The following EPB41L1 variants were observed in gnomAD, a reference collection of about 807,000 sequenced individuals.
EPB41L1 encodes band 4.1-like protein 1.
EPB41L1 carries 29 observed loss-of-function variants against 97.8 expected under a neutral mutation model. The observed-to-expected ratio is 0.30, with a 90% CI of 0.22 to 0.40. The LOEUF (loss-of-function observed/expected upper bound fraction) is 0.40. Among genes scored for constraint, EPB41L1 ranks in the 10% least tolerant of loss-of-function variants. The pLI is 1.00. For missense variants in EPB41L1, 812 were observed against 1,162.3 expected (o/e 0.70, Z 4.38); for synonymous variants, 383 against 459.2 (o/e 0.83, Z 2.12).
At chr20:36,141,450 G>T (rs1317493736) in intron 2 of EPB41L1, among the ~76,000 whole-genome samples, 1 of 152,188 alleles carries the variant, frequency 6.6e-6, no homozygotes, top group Non-Finnish European at 1.5e-5. Flanking sequence ...TGTGTCAGGA[G>T]ACTGTGGGAA....
upstream of EPB41L1, chr20:36,152,941 G>T (rs1041561039): frequency 4.4e-6 from 2 of 455,574 alleles, no homozygotes; most frequent in African/African-American, 4.0e-5. Context: ...GGGCAGATTT[G>T]TCTGTCTTCC....
intron 2 of EPB41L1, among the ~76,000 whole-genome samples, chr20:36,121,238 G>A (rs1354204922): frequency 6.6e-6 from 1 of 152,070 alleles, no homozygotes; most frequent in Non-Finnish European, 1.5e-5. Flanking sequence ...ACACATTTTT[G>A]TTGTTTATGA....
rs546673910 is a variant in EPB41L1, at chr20:36,192,841, C to T, written c.1301-1371C>T. ...AGGGAGGAATTAAGTCTAGAAGGGACAGAAATGGCTCTGCAGAAAGGGTGC... is the reference window on the plus strand; with the variant it reads ...AGGGAGGAATTAAGTCTAGAAGGGATAGAAATGGCTCTGCAGAAAGGGTGC... On this transcript the variant is annotated intron_variant, in intron 11 of 21. Coordinates refer to ENST00000338074, the MANE Select transcript of EPB41L1 (RefSeq NM_012156.2). Among the ~76,000 whole-genome samples, 7 of 152,238 alleles carry T rather than the reference C, an allele frequency of 4.6e-5. No homozygotes were observed. The South Asian group carries it at 6.2e-4, about 14-fold the overall frequency.
chr20:36,146,383 G>A (rs2059832355), intron 2 of EPB41L1, among the ~76,000 whole-genome samples: 1 of 152,352 alleles, frequency 6.6e-6, no homozygotes, highest in South Asian at 2.1e-4. Context: ...CATGCCCAGA[G>A]AACCACTGAA....
chr20:36,205,987 G>A, intron 14 of EPB41L1: 1 of 1,289,892 alleles, frequency 7.8e-7, no homozygotes, highest in African/African-American at 1.5e-5. Context: ...ACTCTCCAAG[G>A]TAGACGTTCT....
At chr20:36,116,764 C>T (rs2058597506) in intron 2 of EPB41L1, among the ~76,000 whole-genome samples, 1 of 152,192 alleles carries the variant, frequency 6.6e-6, no homozygotes, top group South Asian at 2.1e-4. Flanking sequence ...TAATCTCATC[C>T]ATTTGTCAGA....
intron 2 of EPB41L1, among the ~76,000 whole-genome samples, chr20:36,126,016 G>C (rs902741391): frequency 3.9e-5 from 6 of 152,066 alleles, no homozygotes; most frequent in Admixed American, 3.3e-4. Flanking sequence ...TTTCTCGATG[G>C]GGGGCTGACG....
intron 2 of EPB41L1, among the ~76,000 whole-genome samples, chr20:36,112,769 C>T (rs958714445): frequency 2.6e-5 from 4 of 152,204 alleles, no homozygotes; most frequent in South Asian, 2.1e-4. Context: ...TGGTGAAGGA[C>T]GGTGCTGGGC....
At chr20:36,197,772 A>G in intron 13 of EPB41L1, 87 bp from the exon 14 acceptor site, 2 of 1,611,398 alleles carry the variant, frequency 1.2e-6, no homozygotes, top group South Asian at 2.2e-5. Context: ...GAGGGTGGTG[A>G]TGGTGACTGC....
chr20:36,120,948 A>G (rs2058731332), intron 2 of EPB41L1, among the ~76,000 whole-genome samples: 1 of 152,148 alleles, frequency 6.6e-6, no homozygotes, highest in Non-Finnish European at 1.5e-5. Flanking sequence ...TAATGTCCCT[A>G]TAAAAGATCC....
At chr20:36,177,122 C>T (rs1231191819) in intron 3 of EPB41L1, among the ~76,000 whole-genome samples, 1 of 152,176 alleles carries the variant, frequency 6.6e-6, no homozygotes, top group Non-Finnish European at 1.5e-5. Context: ...TCAGGAATTC[C>T]TTGTCAGGCT....
rs761382789 is a variant in EPB41L1, at chr20:36,214,360, G to A, written c.2188G>A (p.Val730Ile). 6.2e-7 allele frequency: 1 copy of A among 1,613,818 alleles called. No homozygotes were observed. The highest frequency in any genetic ancestry group is 8.5e-7 in the Non-Finnish European group (1 of 1,179,916). The part of the protein sequence containing the change: ...RVSAMDNTQQ[V>I]DGSASVGREF... ...TAACGACTCCTCCTCTGGTCAGCAG[G>A]TTGATGGGAGTGCCTCAGTGGGGAG... The change falls in exon 17 of 22, where the codon GTT (valine) becomes ATT (isoleucine). Residue 730 changes from valine to isoleucine, a missense_variant. Val to Ile is a conservative substitution (Grantham distance 29). Transcript: ENST00000338074.
At chr20:36,159,813 A>G (rs967227437) in intron 1 of EPB41L1, among the ~76,000 whole-genome samples, 22 of 152,252 alleles carry the variant, frequency 1.4e-4, no homozygotes, top group African/African-American at 5.1e-4. Flanking sequence ...TGCATAGAAC[A>G]GGGTTTAAGT....
intron 1 of EPB41L1, among the ~76,000 whole-genome samples, chr20:36,104,350 G>T (rs114945640): frequency 0.011 from 1,607 of 152,318 alleles, 29 homozygotes; most frequent in African/African-American, 0.037. Flanking sequence ...AAGGAGGCGG[G>T]AAAGAGCAGA....
intron 2 of EPB41L1, among the ~76,000 whole-genome samples, chr20:36,146,515 G>A (rs1210262388): frequency 6.6e-6 from 1 of 152,246 alleles, no homozygotes; most frequent in African/African-American, 2.4e-5. Flanking sequence ...TCTCTGCCCA[G>A]CCTGGCCTAG....
rs1471532786 is a variant in EPB41L1, at chr20:36,092,974, G to C, written c.-65+1362G>C. 2 of 152,264 alleles carry C rather than the reference G, an allele frequency of 1.3e-5. No individual in the cohort carries two copies. The highest frequency in any genetic ancestry group is 2.1e-4 in the South Asian group (1 of 4,832). 9.4% of individuals were successfully genotyped at this position (152,264 alleles called of 1,614,324 possible). A position where few individuals can be genotyped will look rare whatever the true frequency, so the allele number is the denominator to read the frequency against. On this transcript the variant is annotated intron_variant, in intron 1 of 19. Coordinates refer to the EPB41L1 transcript ENST00000202028. This position sits in a 1 kb window ranked among gnomAD's most constrained non-coding sequence, Gnocchi z 7.0. ...CTCCAGGAGCCGCGGGCTTCGGTTCGTGTGTGTGGGGACTGTCGCGGGTTT... is the reference window on the plus strand; with the variant it reads ...CTCCAGGAGCCGCGGGCTTCGGTTCCTGTGTGTGGGGACTGTCGCGGGTTT...
At chr20:36,176,928 G>A (rs1459111944) in intron 3 of EPB41L1, among the ~76,000 whole-genome samples, 1 of 152,126 alleles carries the variant, frequency 6.6e-6, no homozygotes, top group East Asian at 1.9e-4. Flanking sequence ...CACTGCACCC[G>A]ACTGTGTATG....
In EPB41L1 at chr20:36,230,184, G is replaced by A. The variant is rs764447875; in HGVS notation, c.*844G>A. 96 of 152,202 alleles carry A rather than the reference G, an allele frequency of 6.3e-4. 1 individual carries two copies. The highest frequency in any genetic ancestry group is 8.2e-4 in the Non-Finnish European group (56 of 68,036). The allele number at this position is 152,202 out of a possible 1,614,324, so 9.4% of individuals were successfully genotyped here. ...AGAAAAGAAAGCAAGAACAGAAAAC[G>A]AAGCCACAGGAAGGGAAGTAGACAT... On this transcript the variant is annotated 3_prime_UTR_variant, in exon 22 of 22. Transcript: ENST00000338074.
At chr20:36,173,731 C>G (rs1431677195) in intron 1 of EPB41L1, 33 bp from the exon 2 acceptor site, 3 of 1,604,194 alleles carry the variant, frequency 1.9e-6, no homozygotes, top group Middle Eastern at 1.7e-4. Context: ...TGCTGTCCCT[C>G]CCTGTCACAT....
Sources: gnomAD v4.1 joint callset for allele counts (sites outside exome capture counted in the v4.1 genomes callset) on GRCh38, gnomAD v4.1.1 for gene constraint, Gnocchi (gnomAD v3.1) non-coding constraint, MANE v1.5 for transcripts, NCBI Gene and HGNC (gene_info 2026-07-23, HGNC 2026-07-21) for gene names.